MPG: variants seen among roughly 807,000 people sequenced by gnomAD.
The protein encoded by MPG is N-methylpurine DNA glycosylase.
A neutral mutation model predicts 31.7 loss-of-function variants in MPG; 33 were observed. The observed-to-expected ratio is 1.04, with a 90% confidence interval of 0.79 to 1.39. The LOEUF (loss-of-function observed/expected upper bound fraction) is 1.39, where lower values mean the gene tolerates loss of function less well. Among genes scored for constraint, MPG ranks in the 40% most tolerant of loss-of-function variants. MPG has a pLI of 0.00. For synonymous variants in MPG, 202 were observed against 169.2 expected, an observed-to-expected ratio of 1.19 and a Z score of -1.51; for missense variants, 455 against 415.5, an observed-to-expected ratio of 1.10 and a Z score of -0.83.
chr16:79,362 G>A (rs1898176213), intron 1 of MPG, 63 bp from the exon 2 acceptor site: 1 of 1,613,932 alleles, frequency 6.2e-7, no homozygotes, highest in African/African-American at 1.3e-5. Flanking sequence ...CACTTCCTGA[G>A]CCTGACCTTA....
rs1452147250 is a variant in MPG, at chr16:79,503, G to T, written c.103G>T (p.Ala35Ser). Residue 35 changes from alanine (A) to serine (S), a missense_variant, in exon 2 of 4, where the codon GCA (alanine) becomes TCA (serine). Ala to Ser is a moderately conservative substitution (Grantham distance 99). Coordinates refer to ENST00000356432, the MANE Select transcript of MPG (RefSeq NM_001015052.3). ...ACACAGCTCGTCCGACGCAGCCCAG[G>T]CACCTGCAGAGCAGCCACACAGCTC... ...QPHSSSDAAQ[A>S]PAEQPHSSSD... The T allele has an allele frequency of 6.2e-7, 1 of 1,612,696 alleles. No individual in the cohort carries two copies. Among genetic ancestry groups the T allele is most frequent in the African/African-American group, 1.3e-5 (1 of 75,014 alleles).
rs1271604204 is a variant in MPG at position 83,348 on chromosome 16, A to G, written c.505+92A>G. 3.1e-6 allele frequency: 4 copies of G among 1,306,694 alleles called. No individual in the cohort carries two copies. The South Asian group carries it at 5.2e-5, about 17-fold the overall frequency. The allele number at this position is 1,306,694 out of a possible 1,614,324, so 80.9% of individuals were successfully genotyped here. On this transcript the variant is annotated intron_variant, in intron 3 of 3. Transcript: ENST00000356432. ...CCACTAGGAGGACTGAGGTGGGGCC[A>G]GCATTTGAGCGAGGAGGTGCCACTT... is the stretch of plus-strand genomic sequence containing the variant.
In MPG at chr16:85,672, C is replaced by T. The variant is rs753134511; in HGVS notation, c.777C>T (p.Val259=). 5.6e-5 allele frequency: 88 copies of T among 1,577,780 alleles called. No individual in the cohort carries two copies. The highest frequency in any genetic ancestry group is 1.7e-4 in the Middle Eastern group (1 of 5,932). The change falls in exon 4 of 4, where the codon GTC becomes GTT. Residue 259 remains valine (V), a synonymous_variant. Transcript: ENST00000356432. ...PAVVAAARVG[V]GHAGEWARKP... ...TAGTGGCAGCAGCCCGGGTGGGCGT[C>T]GGCCATGCAGGGGAGTGGGCCCGGA...
At chr16:79,294 T>C (rs201830372) in intron 1 of MPG, 131 bp from the exon 2 acceptor site, 2 of 1,589,426 alleles carry the variant, frequency 1.3e-6, no homozygotes, top group Non-Finnish European at 1.7e-6. Context: ...ACCCACAGGA[T>C]GGTCACCCCC....
intron 3 of MPG, chr16:84,458 A>G (rs1061438): frequency 0.74 from 111,943 of 151,772 alleles, 43,572 homozygotes; most frequent in South Asian, 0.88. Context: ...TAAGCTTCGG[A>G]CTCCCAGGTG....
At chr16:81,462 G>A (rs1344586913) in intron 2 of MPG, among the ~76,000 whole-genome samples, 1 of 152,186 alleles carries the variant, frequency 6.6e-6, no homozygotes, top group Non-Finnish European at 1.5e-5. Context: ...CAGGGAAGAT[G>A]GAACAGGGCC....
Position 85,436 on chromosome 16 carries a change from C to T in MPG, c.541C>T (p.Pro181Ser). 6.2e-7 allele frequency: 1 copy of T among 1,611,424 alleles called. No homozygotes were observed. The highest frequency in any genetic ancestry group is 8.5e-7 in the Non-Finnish European group (1 of 1,179,080). ...GACVLLRALE[P>S]LEGLETMRQL... Reference sequence around the variant, plus strand: ...TTGCGTCTTGCTGCGAGCACTGGAGCCCCTGGAAGGTCTGGAGACCATGCG... The same window carrying T: ...TTGCGTCTTGCTGCGAGCACTGGAGTCCCTGGAAGGTCTGGAGACCATGCG... The change falls in exon 4 of 4, where the codon CCC (proline) becomes TCC (serine). Residue 181 changes from proline to serine, a missense_variant. Pro to Ser is a moderately conservative substitution (Grantham distance 74). Transcript: ENST00000356432.
At chr16:78,621 T>G (rs1898156213) in intron 1 of MPG, among the ~76,000 whole-genome samples, 1 of 152,170 alleles carries the variant, frequency 6.6e-6, no homozygotes, top group Non-Finnish European at 1.5e-5. Flanking sequence ...TACATTAACG[T>G]CAGCACTCCC....
Position 79,558 on chromosome 16 carries a change from G to C in MPG, c.158G>C (p.Arg53Thr). The C allele has an allele frequency of 1.2e-6, 2 of 1,612,762 alleles. No individual in the cohort carries two copies. The highest frequency in any genetic ancestry group is 2.7e-5 in the African/African-American group (2 of 75,050). ...GATGCAGCCCAGGCACCTTGCCCCA[G>C]GGAGCGCTGCTTGGGACCGCCCACC... The part of the protein sequence containing the change: ...SSDAAQAPCP[R>T]ERCLGPPTTP... The change falls in exon 2 of 4, where the codon AGG becomes ACG. Residue 53 changes from arginine to threonine, a missense_variant. Arg to Thr is a moderately conservative substitution (Grantham distance 71, BLOSUM62 -1). Transcript: ENST00000356432.
At chr16:79,091 G>A (rs919253161) in intron 1 of MPG, 4 of 1,444,340 alleles carry the variant, frequency 2.8e-6, no homozygotes, top group Admixed American at 2.7e-5. Flanking sequence ...GGGAATCGGA[G>A]GGCACCAGCC....
chr16:78,083 G>C (rs1327152564), upstream of MPG: 1 of 329,016 alleles, frequency 3.0e-6, no homozygotes, highest in East Asian at 4.8e-5. Flanking sequence ...CCGGGAATCG[G>C]TCCGGACCTG....
At chr16:78,067 T>G, upstream of MPG, 1 of 304,886 alleles carries the variant, frequency 3.3e-6, no homozygotes, top group Admixed American at 5.1e-5. Context: ...AGGCACCGCA[T>G]CGGGCCCGGG....
chr16:77,231 C>T (rs3785288), upstream of MPG: 134,804 of 152,322 alleles, frequency 0.88, 59,776 homozygotes, highest in African/African-American at 0.93. Context: ...GTGCCTGCCA[C>T]AGTGGAGGGG....
In MPG at chr16:79,576, C is replaced by A; in HGVS notation, c.176C>A (p.Pro59Gln). 1 of 1,611,694 alleles carries A rather than the reference C, an allele frequency of 6.2e-7. No individual in the cohort carries two copies. Among genetic ancestry groups the A allele is most frequent in the South Asian group, 1.1e-5 (1 of 90,976 alleles). The stretch of plus-strand genomic sequence containing the variant: ...TGCCCCAGGGAGCGCTGCTTGGGAC[C>A]GCCCACCACTCCGGGCCCATACCGC... ...APCPRERCLG[P>Q]PTTPGPYRSI... is the part of the protein sequence containing the mutation. Residue 59 changes from proline (P) to glutamine (Q), a missense_variant, in exon 2 of 4, where the codon CCG (proline) becomes CAG (glutamine). Coordinates refer to ENST00000356432, the MANE Select transcript of MPG (RefSeq NM_001015052.3).
At chr16:79,147 G>C (rs1272408084) in intron 1 of MPG, 9 of 1,509,830 alleles carry the variant, frequency 6.0e-6, no homozygotes, top group Non-Finnish European at 8.0e-6. Context: ...AGGTCATGCA[G>C]CCTGGGCCCC....
At chr16:77,362 T>C (rs1470917779), upstream of MPG, among the ~76,000 whole-genome samples, 1 of 152,150 alleles carries the variant, frequency 6.6e-6, no homozygotes, top group Non-Finnish European at 1.5e-5. Context: ...GCCCGTCCCC[T>C]AGGCCCTTCC....
chr16:78,172 T>A (rs1396710846), upstream of MPG: 4 of 705,256 alleles, frequency 5.7e-6, no homozygotes, highest in East Asian at 4.3e-5. Flanking sequence ...CGGCGCTCAC[T>A]GCCCCCCTTC....
At position 78,403 on chromosome 16, in the gene MPG, G is replaced by A. The variant is rs1229370982; in HGVS notation, c.24+70G>A. On this transcript the variant is annotated intron_variant, in intron 1 of 3. Coordinates refer to ENST00000356432, the MANE Select transcript of MPG (RefSeq NM_001015052.3). ...CCCAGGCGCAGCAGCGAGCGCGGCC[G>A]CGGGAGCGGGAGTGCCGGGGACGGG... 3.5e-6 allele frequency: 4 copies of A among 1,141,826 alleles called. No individual in the cohort carries two copies. In the African/African-American group the frequency reaches 4.9e-5, roughly 14 times the overall value. The allele number at this position is 1,141,826 out of a possible 1,614,324, so 70.7% of individuals were successfully genotyped here.
At position 78,366 on chromosome 16, in the gene MPG, G is replaced by T. The variant is rs1048874842; in HGVS notation, c.24+33G>T. On this transcript the variant is annotated intron_variant, in intron 1 of 3. Coordinates refer to ENST00000356432, the MANE Select transcript of MPG (RefSeq NM_001015052.3). ...CGCGCCTCGGCCGCCCCGCGGAACA[G>T]ACGCGCCCACCCCCAGGCGCAGCAG... 6.6e-6 allele frequency: 8 copies of T among 1,208,222 alleles called. No homozygotes were observed. In the African/African-American group the frequency reaches 1.3e-4, roughly 19 times the overall value. The allele number at this position is 1,208,222 out of a possible 1,614,324, so 74.8% of individuals were successfully genotyped here.
Sources: allele counts gnomAD v4.1 joint callset (sites outside exome capture counted in the v4.1 genomes callset), GRCh38; gene constraint gnomAD v4.1.1; transcripts MANE v1.5; gene names NCBI Gene and HGNC (gene_info 2026-07-23, HGNC 2026-07-21).